Variants in MEFV observed in about 807,000 individuals in gnomAD.
The protein encoded by MEFV is MEFV innate immunity regulator, pyrin, also known as pyrin.
MEFV carries 60 observed loss-of-function variants against 62.5 expected under a neutral mutation model. That is an observed-to-expected ratio of 0.96 (90% CI 0.78 to 1.19). The LOEUF is 1.19. MEFV is among the 50% of genes most tolerant of loss of function. The pLI is 0.00. For missense variants in MEFV, 1,169 were observed against 1,004.5 expected (o/e 1.16, Z -2.21); for synonymous variants, 500 against 415.2 (o/e 1.20, Z -2.48).
rs1366208284 is a variant in MEFV, at chr16:3,243,366, G to C, written c.2121C>G (p.Thr707=). Residue 707 remains threonine (T), a synonymous_variant, in exon 10 of 10, where the codon ACC becomes ACG. Transcript: ENST00000219596. ...TGGGAGGCTCCTTTATTAGCAGGCG[G>C]GTCGGGGGAACGCTGGACGCCTGGT... ...NEYQASSVPP[T]RLLIKEPPKR... 7 of 1,614,058 alleles carry C rather than the reference G, an allele frequency of 4.3e-6. No individual in the cohort carries two copies. The highest frequency in any genetic ancestry group is 3.3e-5 in the Admixed American group (2 of 60,008).
rs761688984 is a variant in MEFV at position 3,243,509 on chromosome 16, C to T, written c.1978G>A (p.Gly660Arg). The change falls in exon 10 of 10, where the codon GGA becomes AGA. Residue 660 changes from glycine to arginine, a missense_variant. Physicochemically the swap from Gly to Arg is moderately radical, Grantham distance 125. Transcript: ENST00000219596. ...CCCAGGATCCATGCTGTCTTGTCTC[C>T]AACCTCCACCTCCCAGTAACGGCGG... ...SGRRYWEVEVGDKTAWILGAC... is the reference protein window; with the variant it reads ...SGRRYWEVEVRDKTAWILGAC... The T allele has an allele frequency of 6.2e-7, 1 of 1,614,034 alleles. No individual in the cohort carries two copies. Among genetic ancestry groups the T allele is most frequent in the South Asian group, 1.1e-5 (1 of 91,076 alleles).
intron 2 of MEFV, among the ~76,000 whole-genome samples, chr16:3,253,520 C>G (rs1022034945): frequency 6.6e-6 from 1 of 151,874 alleles, no homozygotes; most frequent in African/African-American, 2.4e-5. Context: ...TTTTTCCCCC[C>G]AAAATGTTTA....
chr16:3,243,807 A>G, intron 9 of MEFV, 53 bp downstream of exon 9: 1 of 1,608,904 alleles, frequency 6.2e-7, no homozygotes, highest in Non-Finnish European at 8.5e-7. Context: ...GTGGTAGGGG[A>G]GAGCACAGGG....
chr16:3,249,161 G>C (rs902083634), intron 3 of MEFV, among the ~76,000 whole-genome samples, 157 bp from the exon 4 acceptor site: 1 of 152,224 alleles, frequency 6.6e-6, no homozygotes, highest in East Asian at 1.9e-4. Context: ...AGGGAGGAAT[G>C]GCTGAATTGC....
Position 3,243,423 on chromosome 16 carries a change from G to C in MEFV, c.2064C>G (p.Tyr688Ter), listed in dbSNP as rs104895098. The change falls in exon 10 of 10, where the codon TAC (tyrosine) becomes TAG (stop). Residue 688 changes from tyrosine (Y) to a stop codon, truncating the protein, a stop_gained. Transcript: ENST00000219596. LOFTEE classifies it low-confidence loss of function (END_TRUNC). ...TTTCCTTCATCATTATCACCACCCA[G>C]TAGCCATTCTCTGGCGACAGAGTCA... The part of the protein sequence containing the change: ...GNMTLSPENG[Y>*]WVVIMMKENE... The C allele has an allele frequency of 6.2e-7, 1 of 1,614,130 alleles. No individual in the cohort carries two copies. Among genetic ancestry groups the C allele is most frequent in the Non-Finnish European group, 8.5e-7 (1 of 1,180,036 alleles).
Position 3,249,699 on chromosome 16 carries a change from G to A in MEFV, c.992C>T (p.Ser331Phe), listed in dbSNP as rs1959002659. ...AGAAACTGCCTCGGGGAAGCTGCAGGAATCACGCACACAGGTACCGTCAAC... is the reference window on the plus strand; with the variant it reads ...AGAAACTGCCTCGGGGAAGCTGCAGAAATCACGCACACAGGTACCGTCAAC... Reference protein sequence around the residue: ...DPVDGTCVRDSCSFPEAVSGH... With the variant: ...DPVDGTCVRDFCSFPEAVSGH... Residue 331 changes from serine (S) to phenylalanine (F), a missense_variant, in exon 3 of 10, where the codon TCC becomes TTC. Ser to Phe is a radical substitution (Grantham distance 155, BLOSUM62 -2). Coordinates refer to ENST00000219596, the MANE Select transcript of MEFV (RefSeq NM_000243.3). 8 of 1,613,708 alleles carry A rather than the reference G, an allele frequency of 5.0e-6. No individual in the cohort carries two copies. Among genetic ancestry groups the A allele is most frequent in the Non-Finnish European group, 6.8e-6 (8 of 1,179,688 alleles).
intron 6 of MEFV, among the ~76,000 whole-genome samples, chr16:3,245,339 G>C (rs1009885372): frequency 6.6e-6 from 1 of 151,798 alleles, no homozygotes; most frequent in Non-Finnish European, 1.5e-5. Context: ...GAGGGAGGGA[G>C]GGAAGGAAGG....
In MEFV at chr16:3,244,549, A is replaced by C. The variant is rs1958910774; in HGVS notation, c.1650T>G (p.Pro550=). The part of the protein sequence containing the change: ...TVPVPEKWTT[P]QEIKQKIQLL... ...GTTGGATCTTTTGTTTTATCTCTTGAGGAGTGGTCCACTTTTCAGGGACAG... is the reference window on the plus strand; with the variant it reads ...GTTGGATCTTTTGTTTTATCTCTTGCGGAGTGGTCCACTTTTCAGGGACAG... The change falls in exon 7 of 10, where the codon CCT becomes CCG. Residue 550 remains proline (P), a synonymous_variant. Transcript: ENST00000219596. The C allele has an allele frequency of 4.3e-6, 7 of 1,614,026 alleles. No homozygotes were observed. Among genetic ancestry groups the C allele is most frequent in the Non-Finnish European group, 5.1e-6 (6 of 1,180,036 alleles).
chr16:3,247,596 G>C (rs1457303468), intron 4 of MEFV: 1 of 302,486 alleles, frequency 3.3e-6, no homozygotes, highest in African/African-American at 2.1e-5. Context: ...GTCCTACTGG[G>C]ATTGGGTGGG....
chr16:3,252,343 G>C (rs1358794431), intron 2 of MEFV, among the ~76,000 whole-genome samples: 1 of 147,338 alleles, frequency 6.8e-6, no homozygotes, highest in African/African-American at 2.5e-5. Context: ...GCATGATCTT[G>C]GCTCACTGCA....
chr16:3,251,146 T>C (rs1462069409), intron 2 of MEFV, among the ~76,000 whole-genome samples: 1 of 151,978 alleles, frequency 6.6e-6, no homozygotes, highest in African/African-American at 2.4e-5. Context: ...CTGCTAGTAG[T>C]CACCAGAAAT....
rs972290943 is a variant in MEFV, at chr16:3,254,261, C to G, written c.807G>C (p.Ala269=). 3 of 1,614,134 alleles carry G rather than the reference C, an allele frequency of 1.9e-6. No homozygotes were observed. The highest frequency in any genetic ancestry group is 1.3e-5 in the African/African-American group (1 of 74,944). Residue 269 remains alanine, a synonymous_variant, in exon 2 of 10, where the codon GCG becomes GCC. Coordinates refer to ENST00000219596, the MANE Select transcript of MEFV (RefSeq NM_000243.3). ...GGGGTTCTGTTGCCGAGTCCAGATTCGCAGCTGTCTTTTCCTCTAGAGTCA... is the reference window on the plus strand; with the variant it reads ...GGGGTTCTGTTGCCGAGTCCAGATTGGCAGCTGTCTTTTCCTCTAGAGTCA... ...ILLTLEEKTA[A]NLDSATEPRA...
rs104895179 is a variant in MEFV, at chr16:3,254,482, C to G, written c.586G>C (p.Gly196Arg). 2.4e-5 allele frequency: 38 copies of G among 1,587,120 alleles called. No individual in the cohort carries two copies. Among genetic ancestry groups the G allele is most frequent in the Non-Finnish European group, 2.7e-5 (32 of 1,168,820 alleles). The change falls in exon 2 of 10, where the codon GGG becomes CGG. Residue 196 changes from glycine (G) to arginine (R), a missense_variant. Transcript: ENST00000219596. ...CGCAGCCGGACCTCGGCCTGGCCCC[C>G]CTCTAGCGCCCTGCAGGGGCCGGGG... ...RSPGPCRALE[G>R]GQAEVRLRRN...
chr16:3,244,000 G>A (rs773378181), intron 8 of MEFV, 108 bp from the exon 9 acceptor site: 2 of 1,563,802 alleles, frequency 1.3e-6, no homozygotes, highest in Non-Finnish European at 1.7e-6. Flanking sequence ...CCTGCTTAGG[G>A]CCCTGCATGC....
intron 2 of MEFV, chr16:3,252,140 A>AAGG (rs1959044249): frequency 5.0e-6 from 1 of 199,906 alleles, no homozygotes; most frequent in African/African-American, 2.3e-5. Flanking sequence ...CACTATTCCT[A>AAGG]AGGATGCTAG....
At position 3,244,013 on chromosome 16, in the gene MEFV, T is replaced by C. The variant is rs753528872; in HGVS notation, c.1760-121A>G. ...CCCCTGCTTAGGGCCCTGCATGCTA[T>C]GTTGGGTATAATCCCGTTCCTCCCA... On this transcript the variant is annotated intron_variant, in intron 8 of 9. Coordinates refer to ENST00000219596, the MANE Select transcript of MEFV (RefSeq NM_000243.3). The C allele has an allele frequency of 4.5e-4, 706 of 1,558,226 alleles. No homozygotes were observed. Among genetic ancestry groups the C allele is most frequent in the Middle Eastern group, 1.2e-3 (7 of 6,020 alleles).
intron 4 of MEFV, 37 bp from the exon 5 acceptor site, chr16:3,247,283 G>A (rs1235469441): frequency 6.3e-7 from 1 of 1,595,382 alleles, no homozygotes; most frequent in African/African-American, 1.3e-5. Flanking sequence ...GGGGGTCTGT[G>A]CTGTGGGTGG....
intron 1 of MEFV, among the ~76,000 whole-genome samples, chr16:3,255,594 A>G (rs946896104): frequency 2.0e-5 from 3 of 151,654 alleles, no homozygotes; most frequent in Non-Finnish European, 4.4e-5. Flanking sequence ...TTTGGTAGAG[A>G]CAGGGTTTCA....
In MEFV at chr16:3,254,303, T is replaced by C. The variant is rs771714168; in HGVS notation, c.765A>G (p.Ala255=). 1.2e-5 allele frequency: 19 copies of C among 1,614,146 alleles called. 1 individual carries two copies. In the African/African-American group the frequency reaches 2.5e-4, roughly 22 times the overall value. The stretch of plus-strand genomic sequence containing the variant: ...CTAGAGTCAGGAGAATTTCTGGATT[T>C]GCGGGCGCCTTCTCCCCTGTAGAAA... The part of the protein sequence containing the change: ...VTISTGEKAP[A]NPEILLTLEE... The change falls in exon 2 of 10, where the codon GCA becomes GCG. Residue 255 remains alanine, a synonymous_variant. Transcript: ENST00000219596.
Sources: allele counts gnomAD v4.1 joint callset (sites outside exome capture counted in the v4.1 genomes callset), GRCh38; gene constraint gnomAD v4.1.1; transcripts MANE v1.5; gene names NCBI Gene and HGNC (gene_info 2026-07-23, HGNC 2026-07-21).